MAP4: variants seen among roughly 807,000 people sequenced by gnomAD.
MAP4 encodes the protein microtubule-associated protein 4.
A neutral mutation model predicts 170.2 loss-of-function variants in MAP4; 76 were observed. That is an observed-to-expected ratio of 0.45 (90% confidence interval 0.37 to 0.54). The LOEUF (loss-of-function observed/expected upper bound fraction) is 0.54, where lower values mean the gene tolerates loss of function less well. Among genes scored for constraint, MAP4 ranks in the 20% least tolerant of loss-of-function variants. The probability of loss-of-function intolerance (pLI) is 0.00; values close to 1 mark genes in which losing one functional copy is unlikely to be tolerated. For missense variants in MAP4, 2,506 were observed against 2,748.0 expected (o/e 0.91, Z 1.97); for synonymous variants, 909 against 994.5 (o/e 0.91, Z 1.62).
chr3:48,054,081 A>T lies in MAP4; in HGVS notation c.-20+34692T>A, dbSNP rs574659533. On this transcript the variant is annotated intron_variant, in intron 1 of 18. Transcript: ENST00000360240. ...AACTTTGGAAGGCCGAGGCAGGCAG[A>T]TCATGAGGTTAAGAGACCAAGACCA... is the stretch of plus-strand genomic sequence containing the variant. Among the ~76,000 whole-genome samples, 13 of 152,248 alleles carry T rather than the reference A, an allele frequency of 8.5e-5. No homozygotes were observed. In the South Asian group the frequency reaches 2.5e-3, roughly 29 times the overall value.
rs774327326 is a variant in MAP4 at position 47,877,512 on chromosome 3, G to T, written c.5446C>A (p.Pro1816Thr). The change falls in exon 11 of 21, where the codon CCA becomes ACA. Residue 1816 changes from proline (P) to threonine (T), a missense_variant. By Grantham distance (38) the Pro-to-Thr change is conservative. This residue lies in a region of MAP4 where 2,008 missense variants were observed against 2,206.0 expected (regional missense o/e 0.91). Transcript: ENST00000683076. ...CTCACCACAGGCCTTCCTTCTTCTGGCCTGGCTATTCCTAAGGGGAGAGGG... is the reference window on the plus strand; with the variant it reads ...CTCACCACAGGCCTTCCTTCTTCTGTCCTGGCTATTCCTAAGGGGAGAGGG... The part of the protein sequence containing the change: ...LGMSVYGIAR[P>T]EEGRPVVSGT... 1.9e-6 allele frequency: 3 copies of T among 1,612,586 alleles called. No individual in the cohort carries two copies. The highest frequency in any genetic ancestry group is 2.7e-5 in the African/African-American group (2 of 74,920).
chr3:47,998,899 T>A lies in MAP4; in HGVS notation c.-19-20A>T. On this transcript the variant is annotated intron_variant, in intron 1 of 20. Transcript: ENST00000683076. Reference sequence around the variant, plus strand: ...AACTGCCTGGTGAAGAGGAAAAAGATCTTTCATGTAACGAGCACTGCAAAA... The same window carrying A: ...AACTGCCTGGTGAAGAGGAAAAAGAACTTTCATGTAACGAGCACTGCAAAA... 7.1e-7 allele frequency: 1 copy of A among 1,398,700 alleles called. No homozygotes were observed. The highest frequency in any genetic ancestry group is 1.0e-6 in the Non-Finnish European group (1 of 984,460). The allele number at this position is 1,398,700 out of a possible 1,614,324, so 86.6% of individuals were successfully genotyped here.
intron 1 of MAP4, among the ~76,000 whole-genome samples, chr3:48,080,338 T>C (rs1398083445): frequency 6.6e-6 from 1 of 152,246 alleles, no homozygotes; most frequent in Non-Finnish European, 1.5e-5. Context: ...CTAGATTATC[T>C]CTAAATCTCT....
chr3:47,953,575 T>G (rs2100065890), intron 3 of MAP4, among the ~76,000 whole-genome samples: 1 of 152,058 alleles, frequency 6.6e-6, no homozygotes, highest in South Asian at 2.1e-4. Context: ...TTTAATGAGG[T>G]GGAGATGCCA....
chr3:48,001,538 C>T (rs2100099148), intron 1 of MAP4, among the ~76,000 whole-genome samples: 1 of 152,120 alleles, frequency 6.6e-6, no homozygotes, highest in Non-Finnish European at 1.5e-5. Flanking sequence ...AGCTGTTTCT[C>T]TGATTTCTTT....
chr3:48,056,596 G>A lies in MAP4; in HGVS notation c.-20+32177C>T, dbSNP rs1386466964. On this transcript the variant is annotated intron_variant, in intron 1 of 18. Coordinates refer to the MAP4 transcript ENST00000360240. ...GAGGAGCCCCTCAGCCCCGCCAGCC[G>A]CCCCATCCGGGAGGGAGGTGGGGGG... Among the ~76,000 whole-genome samples the A allele has an allele frequency of 5.3e-5, 6 of 112,982 alleles. No individual in the cohort carries two copies. In the South Asian group the frequency reaches 1.4e-3, roughly 27 times the overall value. 74.1% of individuals were successfully genotyped at this position (112,982 alleles called of 152,430 possible). A position where few individuals can be genotyped will look rare whatever the true frequency, so the allele number is the denominator to read the frequency against.
intron 1 of MAP4, among the ~76,000 whole-genome samples, chr3:48,052,976 T>C (rs1349799736): frequency 6.6e-6 from 1 of 152,220 alleles, no homozygotes; most frequent in African/African-American, 2.4e-5. Flanking sequence ...AAAGGATAGC[T>C]TCCCAAATTA....
intron 1 of MAP4, among the ~76,000 whole-genome samples, chr3:48,062,918 T>A: frequency 6.8e-6 from 1 of 146,388 alleles, no homozygotes. Flanking sequence ...AGAGTGAAAC[T>A]CTGTCTCAAA....
Position 47,914,915 on chromosome 3 carries a change from T to A in MAP4, c.1901A>T (p.Lys634Met). 6.2e-7 allele frequency: 1 copy of A among 1,614,090 alleles called. No individual in the cohort carries two copies. The highest frequency in any genetic ancestry group is 8.5e-7 in the Non-Finnish European group (1 of 1,180,002). Residue 634 changes from lysine to methionine, a missense_variant, in exon 8 of 21, where the codon AAG (lysine) becomes ATG (methionine). Coordinates refer to ENST00000683076, the MANE Select transcript of MAP4 (RefSeq NM_001385682.1). ...ATCCTCCTCGGCCGGCAAGCTGCAC[T>A]TTTTCCCCGTTCCTGTGACGGTTTC... ...SPETVTGTGK[K>M]CSLPAEEDSV...
intron 17 of MAP4, among the ~76,000 whole-genome samples, chr3:47,860,313 C>A (rs7429990): frequency 0.33 from 49,940 of 152,150 alleles, 9,521 homozygotes; most frequent in African/African-American, 0.53. Flanking sequence ...AGGCTCAAGC[C>A]CCTCAAGTGG....
chr3:47,911,019 C>T lies in MAP4; in HGVS notation c.3402G>A (p.Thr1134=), dbSNP rs78216580. The T allele has an allele frequency of 0.014, 20,984 of 1,536,192 alleles. 165 individuals carry two copies. Among genetic ancestry groups the T allele is most frequent in the Non-Finnish European group, 0.016 (18,422 of 1,146,910 alleles). The change falls in exon 9 of 21, where the codon ACG becomes ACA. Residue 1134 remains threonine (T), a synonymous_variant. Coordinates refer to ENST00000683076, the MANE Select transcript of MAP4 (RefSeq NM_001385682.1). The surrounding 1 kb of genome is among the most constrained non-coding windows in gnomAD (Gnocchi z 4.0). ...TAGGCTCCCCCATCACCACTGCCTC[C>T]GTGAGATCAGCCTTAGTGCCTGGTT... ...SKQPGTKADL[T]EAVVMGEPKE... is the part of the protein sequence containing the mutation.
At chr3:48,012,501 T>C (rs939884936) in intron 1 of MAP4, among the ~76,000 whole-genome samples, 2 of 152,160 alleles carry the variant, frequency 1.3e-5, no homozygotes, top group African/African-American at 2.4e-5. Flanking sequence ...TGACATAAGA[T>C]GCAATCTACT....
At chr3:47,998,591 T>TG in intron 2 of MAP4, 47 bp downstream of exon 2, 1 of 1,465,830 alleles carries the variant, frequency 6.8e-7, no homozygotes, top group Non-Finnish European at 9.5e-7. Flanking sequence ...GCATAATCCC[T>TG]AACCTGCTTT....
chr3:47,960,877 T>G (rs907340666), intron 3 of MAP4: 4 of 165,120 alleles, frequency 2.4e-5, no homozygotes, highest in African/African-American at 9.6e-5. Flanking sequence ...AAGTTCAATT[T>G]GACGTACAAA....
At chr3:47,958,866 T>G (rs2100069533) in intron 3 of MAP4, among the ~76,000 whole-genome samples, 3 of 152,032 alleles carry the variant, frequency 2.0e-5, no homozygotes. Context: ...GTATTTTTAG[T>G]AGAGACGGGG....
intron 2 of MAP4, among the ~76,000 whole-genome samples, chr3:47,994,057 TA>T (rs1380342087): frequency 5.9e-5 from 9 of 152,096 alleles, no homozygotes; most frequent in African/African-American, 1.9e-4. Context: ...TCCTAATCTT[TA>T]AAAAAATCTT....
At chr3:47,881,776 T>C (rs1286896757) in intron 10 of MAP4, among the ~76,000 whole-genome samples, 5 of 151,752 alleles carry the variant, frequency 3.3e-5, no homozygotes, top group Admixed American at 3.3e-4. Flanking sequence ...TGGCTAATTT[T>C]TAAATTATTT....
At chr3:48,067,132 G>A (rs781208431) in intron 1 of MAP4, among the ~76,000 whole-genome samples, 4 of 151,688 alleles carry the variant, frequency 2.6e-5, no homozygotes, top group Non-Finnish European at 5.9e-5. Context: ...GAGCCACCGC[G>A]CCCAGCCTCT....
chr3:47,942,724 C>T (rs1414639284), intron 3 of MAP4, among the ~76,000 whole-genome samples: 1 of 152,148 alleles, frequency 6.6e-6, no homozygotes, highest in African/African-American at 2.4e-5. Flanking sequence ...ACATATCTTA[C>T]AGAATGCTAA....
Sources: allele counts gnomAD v4.1 joint callset (sites outside exome capture counted in the v4.1 genomes callset), GRCh38; gene constraint gnomAD v4.1.1; regional missense constraint gnomAD v4.1.1; non-coding constraint Gnocchi (gnomAD v3.1); transcripts MANE v1.5; gene names NCBI Gene and HGNC (gene_info 2026-07-23, HGNC 2026-07-21).